KCNQ4: variants seen among roughly 807,000 people sequenced by gnomAD.
The protein encoded by KCNQ4 is potassium voltage-gated channel subfamily KQT member 4.
Under a neutral mutation model 72.6 loss-of-function variants are expected in KCNQ4, and 31 were observed. That is an observed-to-expected ratio of 0.43 (90% CI 0.32 to 0.58). The LOEUF is 0.58. KCNQ4 is among the 20% of genes least tolerant of loss of function. The probability of loss-of-function intolerance (pLI) is 0.08; values close to 1 mark genes in which losing one functional copy is unlikely to be tolerated. For missense variants in KCNQ4, 869 were observed against 962.6 expected, an observed-to-expected ratio of 0.90 and a Z score of 1.29; for synonymous variants, 405 against 403.7, an observed-to-expected ratio of 1.00 and a Z score of -0.04.
In KCNQ4 at chr1:40,820,217, A is replaced by G. The variant is rs973320083; in HGVS notation, c.998A>G (p.Lys333Arg). ...AAGGTCCAGGAGCAGCACCGGCAGA[A>G]GCACTTCGAGAAGCGGAGGATGCCG... ...ALKVQEQHRQ[K>R]HFEKRRMPAA... Residue 333 changes from lysine to arginine, a missense_variant, in exon 7 of 14, where the codon AAG (lysine) becomes AGG (arginine). Lys to Arg is a conservative substitution (Grantham distance 26). Coordinates refer to ENST00000347132, the MANE Select transcript of KCNQ4 (RefSeq NM_004700.4). 8.1e-6 allele frequency: 13 copies of G among 1,610,696 alleles called. No individual in the cohort carries two copies. The highest frequency in any genetic ancestry group is 2.7e-5 in the African/African-American group (2 of 74,820).
Position 40,784,053 on chromosome 1 carries a change from G to T in KCNQ4, c.-41G>T. The T allele has an allele frequency of 5.9e-6, 1 of 168,200 alleles. No homozygotes were observed. Among genetic ancestry groups the T allele is most frequent in the South Asian group, 1.7e-4 (1 of 5,964 alleles). The allele number at this position is 168,200 out of a possible 1,614,324, so 10.4% of individuals were successfully genotyped here. A position where few individuals can be genotyped will look rare whatever the true frequency, so the allele number is the denominator to read the frequency against. On this transcript the variant is annotated 5_prime_UTR_variant, in exon 1 of 14. Coordinates refer to ENST00000347132, the MANE Select transcript of KCNQ4 (RefSeq NM_004700.4). The surrounding 1 kb of genome is among the most constrained non-coding windows in gnomAD (Gnocchi z 4.1). Reference sequence around the variant, plus strand: ...GCGCCCCGAGCGCGCCCCCGCCCCGGACCGTGCCCGGGCCCCGGCGCCCCC... The same window carrying T: ...GCGCCCCGAGCGCGCCCCCGCCCCGTACCGTGCCCGGGCCCCGGCGCCCCC...
At chr1:40,826,654 A>G (rs1207344389) in intron 9 of KCNQ4, 1 of 455,838 alleles carries the variant, frequency 2.2e-6, no homozygotes, top group Non-Finnish European at 4.4e-6. Context: ...GTTTAATAAT[A>G]AACGGAGTTT....
At chr1:40,804,243 A>G (rs1336010198) in intron 1 of KCNQ4, among the ~76,000 whole-genome samples, 2 of 152,214 alleles carry the variant, frequency 1.3e-5, no homozygotes, top group East Asian at 1.9e-4. Context: ...TGGCCCCAGG[A>G]TGAGGGAATT....
rs188558152 is a variant in KCNQ4 at position 40,798,712 on chromosome 1, G to A, written c.314+14305G>A. 2.6e-5 allele frequency among the ~76,000 whole-genome samples: 4 copies of A among 152,330 alleles called. No homozygotes were observed. The East Asian group carries it at 5.8e-4, about 22-fold the overall frequency. On this transcript the variant is annotated intron_variant, in intron 1 of 13. Coordinates refer to ENST00000347132, the MANE Select transcript of KCNQ4 (RefSeq NM_004700.4). ...AGTTGGTGTCTCAACGAGACCCATC[G>A]TCAGCTGGGCAGGGTGTGTGTATAT...
intron 9 of KCNQ4, among the ~76,000 whole-genome samples, chr1:40,827,766 A>G (rs75232319): frequency 0.044 from 6,728 of 152,258 alleles, 217 homozygotes; most frequent in Non-Finnish European, 0.066. Flanking sequence ...TGGGCAAATC[A>G]CCTGACCCCT....
intron 1 of KCNQ4, among the ~76,000 whole-genome samples, chr1:40,810,815 C>T (rs966662947): frequency 3.3e-5 from 5 of 152,262 alleles, no homozygotes; most frequent in South Asian, 2.1e-4. Flanking sequence ...GAGTTGTCCC[C>T]GACCTTTGTG....
At chr1:40,825,367 G>C (rs985897176) in intron 9 of KCNQ4, among the ~76,000 whole-genome samples, 2 of 152,212 alleles carry the variant, frequency 1.3e-5, no homozygotes, top group Non-Finnish European at 2.9e-5. Flanking sequence ...GAAGCCTTCA[G>C]TCATTCTGAA....
intron 1 of KCNQ4, among the ~76,000 whole-genome samples, chr1:40,808,263 G>A (rs181561893): frequency 6.6e-6 from 1 of 152,102 alleles, no homozygotes; most frequent in African/African-American, 2.4e-5. Flanking sequence ...TGGCCTTGGT[G>A]GATACTTGGG....
At chr1:40,796,642 C>T (rs1316286647) in intron 1 of KCNQ4, among the ~76,000 whole-genome samples, 1 of 152,108 alleles carries the variant, frequency 6.6e-6, no homozygotes, top group East Asian at 1.9e-4. Flanking sequence ...CTGGGCCGGG[C>T]GCTGTGGCTC....
At chr1:40,813,198 A>G (rs1647977390) in intron 1 of KCNQ4, among the ~76,000 whole-genome samples, 1 of 152,188 alleles carries the variant, frequency 6.6e-6, no homozygotes. Context: ...AGTGCCGAGG[A>G]GTTGGACTTT....
chr1:40,833,140 C>T (rs1267192579), intron 11 of KCNQ4, 27 bp downstream of exon 11: 1 of 1,554,902 alleles, frequency 6.4e-7, no homozygotes, highest in African/African-American at 1.4e-5. Context: ...AGGCGAGCAC[C>T]CCCCTCCGTG....
At chr1:40,797,699 C>A (rs1363637846) in intron 1 of KCNQ4, among the ~76,000 whole-genome samples, 1 of 152,164 alleles carries the variant, frequency 6.6e-6, no homozygotes, top group Non-Finnish European at 1.5e-5. Flanking sequence ...CCTTTACCTT[C>A]CCCCCAGGGT....
chr1:40,833,385 G>A (rs1648714055), intron 11 of KCNQ4, among the ~76,000 whole-genome samples: 1 of 151,944 alleles, frequency 6.6e-6, no homozygotes, highest in Non-Finnish European at 1.5e-5. Flanking sequence ...ACTCCAGCCT[G>A]AGCAACAAGA....
rs1012270682 is a variant in KCNQ4 at position 40,799,437 on chromosome 1, C to CG, written c.314+15030_314+15031insG. On this transcript the variant is annotated intron_variant, in intron 1 of 13. Coordinates refer to ENST00000347132, the MANE Select transcript of KCNQ4 (RefSeq NM_004700.4). ...GAGGCAAATGTGTGGGCCATGCCCCCCCCCTCGCTAGGCAGTAAACACTGC... is the reference window on the plus strand; with the variant it reads ...GAGGCAAATGTGTGGGCCATGCCCCCGCCCCTCGCTAGGCAGTAAACACTGC... Among the ~76,000 whole-genome samples the CG allele has an allele frequency of 3.1e-4, 47 of 151,970 alleles. 1 individual carries two copies. In the South Asian group the frequency reaches 5.4e-3, roughly 17 times the overall value.
At chr1:40,819,843 C>T in intron 5 of KCNQ4, 32 bp from the exon 6 acceptor site, 1 of 1,550,460 alleles carries the variant, frequency 6.4e-7, no homozygotes, top group East Asian at 2.2e-5. Flanking sequence ...CCCCCGTGAC[C>T]AGTCCTGCCT....
At chr1:40,800,264 G>A (rs115998945) in intron 1 of KCNQ4, among the ~76,000 whole-genome samples, 3,951 of 152,204 alleles carry the variant, frequency 0.026, 62 homozygotes, top group Non-Finnish European at 0.037. Flanking sequence ...TGTGGGAAGA[G>A]AATCTGAGGA....
chr1:40,834,649 C>T lies in KCNQ4; in HGVS notation c.1614-318C>T, dbSNP rs137980397. Among the ~76,000 whole-genome samples the T allele has an allele frequency of 3.3e-3, 507 of 152,120 alleles. 4 individuals are homozygous for T. Among genetic ancestry groups the T allele is most frequent in the Non-Finnish European group, 4.7e-3 (320 of 67,970 alleles). ...GTGCCTGCCCCACAATGTCCCATTG[C>T]CCAGTCTCTGCCAGAGATGCAGGGC... On this transcript the variant is annotated intron_variant, in intron 11 of 13. Transcript: ENST00000347132.
intron 1 of KCNQ4, among the ~76,000 whole-genome samples, chr1:40,815,763 G>C (rs1377291513): frequency 3.9e-5 from 6 of 152,168 alleles, no homozygotes; most frequent in Non-Finnish European, 8.8e-5. Context: ...CCAGGGCAGT[G>C]CCACGCCCTT....
At chr1:40,796,298 C>T (rs1349042068) in intron 1 of KCNQ4, among the ~76,000 whole-genome samples, 1 of 152,134 alleles carries the variant, frequency 6.6e-6, no homozygotes, top group Non-Finnish European at 1.5e-5. Context: ...TGCTCTGGCT[C>T]TCAATAATAA....
Sources: allele counts gnomAD v4.1 joint callset (sites outside exome capture counted in the v4.1 genomes callset), GRCh38; gene constraint gnomAD v4.1.1; non-coding constraint Gnocchi (gnomAD v3.1); transcripts MANE v1.5; gene names NCBI Gene and HGNC (gene_info 2026-07-23, HGNC 2026-07-21).